The following FANCC variants were observed in gnomAD, a reference collection of about 807,000 sequenced individuals.
FANCC encodes Fanconi anemia group C protein.
Under a neutral mutation model 71.3 loss-of-function variants are expected in FANCC, and 55 were observed. That is an observed-to-expected ratio of 0.77 (90% CI 0.62 to 0.97). The LOEUF (loss-of-function observed/expected upper bound fraction) is 0.97. FANCC is among the 50% of genes least tolerant of loss of function. FANCC has a pLI of 0.00. For missense variants in FANCC, 678 were observed against 670.9 expected (o/e 1.01, Z -0.12); for synonymous variants, 275 against 244.9 (o/e 1.12, Z -1.15).
chr9:95,270,659 A>G (rs1488025107), intron 1 of FANCC, among the ~76,000 whole-genome samples: 2 of 152,270 alleles, frequency 1.3e-5, no homozygotes, highest in Non-Finnish European at 2.9e-5. Context: ...GACCTGCTGA[A>G]AAAGAATGAG....
Position 95,117,361 on chromosome 9 carries a change from A to G in FANCC, c.1026T>C (p.Pro342=), listed in dbSNP as rs2072504750. The change falls in exon 11 of 15, where the codon CCT becomes CCC. Residue 342 remains proline, a synonymous_variant. Coordinates refer to ENST00000289081, the MANE Select transcript of FANCC (RefSeq NM_000136.3). ...CCATGGCAAGAGATGGAGAAGTGTA[A>G]GGAAAGTAGGTCTTGAGTGCAAACC... The part of the protein sequence containing the change: ...QLRFALKTYF[P]YTSPSLAMVL... The G allele has an allele frequency of 6.2e-7, 1 of 1,614,080 alleles. No individual in the cohort carries two copies. Among genetic ancestry groups the G allele is most frequent in the East Asian group, 2.2e-5 (1 of 44,872 alleles).
chr9:95,284,940 GCA>G (rs1833601239), intron 1 of FANCC, among the ~76,000 whole-genome samples: 1 of 145,830 alleles, frequency 6.9e-6, no homozygotes, highest in Admixed American at 6.9e-5. Flanking sequence ...AGAGAGACAC[GCA>G]CACACACAGA....
At chr9:95,221,138 C>G (rs1327260149) in intron 4 of FANCC, among the ~76,000 whole-genome samples, 3 of 152,040 alleles carry the variant, frequency 2.0e-5, no homozygotes, top group Non-Finnish European at 2.9e-5. Context: ...AAGGCTGAGG[C>G]AGGGGAATCG....
At chr9:95,305,751 C>T (rs374217159) in intron 1 of FANCC, among the ~76,000 whole-genome samples, 13 of 152,208 alleles carry the variant, frequency 8.5e-5, no homozygotes, top group Middle Eastern at 3.4e-3. Flanking sequence ...TGAAAAGACA[C>T]GCCATACTTC....
chr9:95,215,397 A>T (rs1828800562), intron 4 of FANCC, among the ~76,000 whole-genome samples: 1 of 152,104 alleles, frequency 6.6e-6, no homozygotes, highest in Non-Finnish European at 1.5e-5. Context: ...ATAGGGAGAG[A>T]GAGTGAGGAG....
intron 4 of FANCC, among the ~76,000 whole-genome samples, chr9:95,181,859 T>TCC (rs1216760373): frequency 6.6e-6 from 1 of 152,254 alleles, no homozygotes; most frequent in African/African-American, 2.4e-5. Flanking sequence ...GAGTGAACTT[T>TCC]CCTAAGAAGG....
intron 6 of FANCC, among the ~76,000 whole-genome samples, chr9:95,155,204 C>CAAA (rs1319128579): frequency 8.1e-6 from 1 of 124,190 alleles, no homozygotes; most frequent in Non-Finnish European, 1.6e-5. Context: ...GAGACCCTGT[C>CAAA]AAAAAAAGAA....
At chr9:95,138,451 T>C (rs539577511) in intron 7 of FANCC, among the ~76,000 whole-genome samples, 59 of 152,296 alleles carry the variant, frequency 3.9e-4, no homozygotes, top group African/African-American at 1.3e-3. Flanking sequence ...AGAACACCCC[T>C]GGGTGTGGAG....
In FANCC at chr9:95,193,199, C is replaced by T. The variant is rs564600718; in HGVS notation, c.346-21052G>A. 8.5e-5 allele frequency among the ~76,000 whole-genome samples: 13 copies of T among 152,228 alleles called. No homozygotes were observed. In the South Asian group the frequency reaches 2.1e-3, roughly 24 times the overall value. On this transcript the variant is annotated intron_variant, in intron 4 of 14. Coordinates refer to ENST00000289081, the MANE Select transcript of FANCC (RefSeq NM_000136.3). ...ATGCTGATTAGATTAGAAATGGATACGATTCACTTTAGATAAGCAAGGGGG... is the reference window on the plus strand; with the variant it reads ...ATGCTGATTAGATTAGAAATGGATATGATTCACTTTAGATAAGCAAGGGGG...
intron 8 of FANCC, among the ~76,000 whole-genome samples, chr9:95,132,722 A>T (rs1340229529): frequency 6.6e-6 from 1 of 151,794 alleles, no homozygotes; most frequent in Non-Finnish European, 1.5e-5. Flanking sequence ...AACTCAGGTA[A>T]TAAGAGACTA....
intron 1 of FANCC, among the ~76,000 whole-genome samples, chr9:95,254,745 A>T (rs1831557758): frequency 6.6e-6 from 1 of 152,108 alleles, no homozygotes; most frequent in Non-Finnish European, 1.5e-5. Context: ...ACTCCCTTCA[A>T]AAGGGGGCTG....
intron 13 of FANCC, chr9:95,111,056 C>G: frequency 6.8e-7 from 1 of 1,476,384 alleles, no homozygotes; most frequent in Non-Finnish European, 9.0e-7. Context: ...AAGCCCTGGC[C>G]GGGCTGCTGG....
At chr9:95,294,550 A>G in intron 1 of FANCC, 1 of 1,543,080 alleles carries the variant, frequency 6.5e-7, no homozygotes, top group South Asian at 1.1e-5. Flanking sequence ...TTCATCTGAC[A>G]CAGAGACACA....
At chr9:95,213,630 T>A (rs1564758919) in intron 4 of FANCC, among the ~76,000 whole-genome samples, 1 of 152,190 alleles carries the variant, frequency 6.6e-6, no homozygotes, top group Non-Finnish European at 1.5e-5. Flanking sequence ...TGTGTACCCT[T>A]ACCTAGCCCC....
At chr9:95,141,992 T>TG (rs1828795528) in intron 7 of FANCC, among the ~76,000 whole-genome samples, 1 of 138,846 alleles carries the variant, frequency 7.2e-6, no homozygotes, top group Non-Finnish European at 1.5e-5. Context: ...GGGGTTTTTT[T>TG]TTTTTTTTTT....
At chr9:95,255,266 C>G (rs986816725) in intron 1 of FANCC, among the ~76,000 whole-genome samples, 1 of 152,128 alleles carries the variant, frequency 6.6e-6, no homozygotes, top group African/African-American at 2.4e-5. Context: ...GACAAGGAGA[C>G]ACTTCCAAGC....
At chr9:95,123,856 A>G in intron 10 of FANCC, 19 of 609,796 alleles carry the variant, frequency 3.1e-5, no homozygotes, top group South Asian at 7.1e-5. Context: ...AACCCCCACC[A>G]AAGCCCACGT....
In FANCC at chr9:95,100,211, G is replaced by C. The variant is rs930117509; in HGVS notation, c.*1496C>G. 10 of 223,090 alleles carry C rather than the reference G, an allele frequency of 4.5e-5. No homozygotes were observed. Among genetic ancestry groups the C allele is most frequent in the South Asian group, 1.8e-4 (1 of 5,526 alleles). The allele number at this position is 223,090 out of a possible 1,614,324, so 13.8% of individuals were successfully genotyped here. A position where few individuals can be genotyped will look rare whatever the true frequency, so the allele number is the denominator to read the frequency against. The stretch of plus-strand genomic sequence containing the variant: ...CATGATGGCACGAAGCATGTTATAT[G>C]AAGGCAATGACCATGAGCACGAAGC... On this transcript the variant is annotated 3_prime_UTR_variant, in exon 15 of 15. Transcript: ENST00000289081.
intron 10 of FANCC, among the ~76,000 whole-genome samples, chr9:95,119,915 T>C (rs536718935): frequency 6.6e-6 from 1 of 152,332 alleles, no homozygotes; most frequent in South Asian, 2.1e-4. Context: ...TCTTACTTTG[T>C]TGCCCAGGCT....
Sources: allele counts gnomAD v4.1 joint callset (sites outside exome capture counted in the v4.1 genomes callset), GRCh38; gene constraint gnomAD v4.1.1; transcripts MANE v1.5; gene names NCBI Gene and HGNC (gene_info 2026-07-23, HGNC 2026-07-21).